The following TJP1 variants were observed in gnomAD, a reference collection of about 807,000 sequenced individuals.
TJP1 encodes tight junction protein ZO-1.
In TJP1, 43 loss-of-function variants were observed where a neutral mutation model predicts 194.2. That is an observed-to-expected ratio of 0.22 (90% confidence interval 0.17 to 0.29). The LOEUF (loss-of-function observed/expected upper bound fraction) is 0.29. TJP1 is among the 10% of genes least tolerant of loss of function. The pLI, the probability that TJP1 is intolerant of heterozygous loss-of-function variation, is 1.00. For synonymous variants in TJP1, 801 were observed against 779.0 expected (o/e 1.03, Z -0.47); for missense variants, 1,971 against 2,185.7 (o/e 0.90, Z 1.96).
At chr15:29,745,898 T>A (rs1299937797) in intron 8 of TJP1, among the ~76,000 whole-genome samples, 1 of 152,204 alleles carries the variant, frequency 6.6e-6, no homozygotes, top group African/African-American at 2.4e-5. Context: ...ACCCTATATA[T>A]GATACCAAAT....
chr15:29,754,598 T>C (rs1156983699), intron 8 of TJP1, among the ~76,000 whole-genome samples: 1 of 152,176 alleles, frequency 6.6e-6, no homozygotes, highest in African/African-American at 2.4e-5. Context: ...TCATCAATAT[T>C]AGGATGTTTC....
chr15:29,818,133 T>G (rs1006115341), intron 1 of TJP1, among the ~76,000 whole-genome samples: 2 of 152,170 alleles, frequency 1.3e-5, no homozygotes, highest in Admixed American at 1.3e-4. Context: ...TAATTTCAGA[T>G]AGCCACAGCG....
Position 29,950,063 on chromosome 15 carries a change from AC to A in TJP1, c.306+6168del, listed in dbSNP as rs2055633273. On this transcript the variant is annotated intron_variant, in intron 2 of 28. Transcript: ENST00000356107. ...CACCTCCACCACCACCACCTCCACCACCACCACCTCCACCACCACCATCTTC... is the reference window on the plus strand; with the variant it reads ...CACCTCCACCACCACCACCTCCACCACACCACCTCCACCACCACCATCTTC... Among the ~76,000 whole-genome samples, 9 of 46,800 alleles carry A rather than the reference AC, an allele frequency of 1.9e-4. 1 individual carries two copies. Among genetic ancestry groups the A allele is most frequent in the Non-Finnish European group, 2.6e-4 (7 of 27,284 alleles). 30.7% of individuals were successfully genotyped at this position (46,800 alleles called of 152,430 possible).
upstream of TJP1, among the ~76,000 whole-genome samples, chr15:29,825,949 G>C (rs1211894184): frequency 6.6e-6 from 1 of 152,070 alleles, no homozygotes; most frequent in African/African-American, 2.4e-5. Context: ...TCATAGACCA[G>C]TAAAAATTTT....
At chr15:29,967,279 G>A (rs569977973) in intron 1 of TJP1, among the ~76,000 whole-genome samples, 82 of 151,624 alleles carry the variant, frequency 5.4e-4, no homozygotes, top group Non-Finnish European at 1.0e-3. Flanking sequence ...CAGGCGATAC[G>A]CCTGCCTCGA....
intron 2 of TJP1, among the ~76,000 whole-genome samples, chr15:29,795,134 A>G (rs1030924544): frequency 1.3e-5 from 2 of 152,294 alleles, no homozygotes; most frequent in African/African-American, 4.8e-5. Flanking sequence ...TGAAAGACAC[A>G]AACTACCAGT....
intron 2 of TJP1, among the ~76,000 whole-genome samples, chr15:29,893,857 T>C (rs1004153231): frequency 4.6e-5 from 7 of 152,058 alleles, no homozygotes; most frequent in Admixed American, 3.9e-4. Context: ...CTATAAACGA[T>C]AAAAAAACAA....
chr15:29,912,695 CAAAAAAAAAAAA>C lies in TJP1; in HGVS notation c.306+43525_306+43536del, dbSNP rs71103416. ...TGGGAGACAGAGCAAGACTCTGTCT[CAAAAAAAAAAAA>C]AAAAAAAAAAAAAAAAGAGGGAGCT... On this transcript the variant is annotated intron_variant, in intron 2 of 28. Transcript: ENST00000356107. Among the ~76,000 whole-genome samples the C allele has an allele frequency of 1.1e-3, 70 of 64,970 alleles. 2 individuals carry two copies. The highest frequency in any genetic ancestry group is 4.5e-3 in the African/African-American group (52 of 11,456). 42.6% of individuals were successfully genotyped at this position (64,970 alleles called of 152,430 possible).
In TJP1 at chr15:29,800,694, T is replaced by G. The variant is rs1263232648; in HGVS notation, c.36A>C (p.Ala12=). The change falls in exon 2 of 28, where the codon GCA becomes GCC. Residue 12 remains alanine (A), a synonymous_variant. Coordinates refer to ENST00000614355, the MANE Select transcript of TJP1 (RefSeq NM_001330239.4). ...SARAAAAKST[A]MEETAIWEQH... ...GTTCCCATATAGCTGTTTCCTCCAT[T>G]GCTGTGCTCTGATAAAGGAAAAGAA... 6.2e-7 allele frequency: 1 copy of G among 1,613,728 alleles called. No individual in the cohort carries two copies. The highest frequency in any genetic ancestry group is 8.5e-7 in the Non-Finnish European group (1 of 1,179,898).
intron 8 of TJP1, among the ~76,000 whole-genome samples, chr15:29,746,256 C>A (rs769704145): frequency 6.6e-6 from 1 of 151,814 alleles, no homozygotes; most frequent in Non-Finnish European, 1.5e-5. Context: ...CGGGAGCCTG[C>A]AGTCCCAGCT....
At chr15:29,713,557 C>T (rs900442964) in intron 23 of TJP1, among the ~76,000 whole-genome samples, 11 of 152,202 alleles carry the variant, frequency 7.2e-5, no homozygotes, top group African/African-American at 2.7e-4. Context: ...CCTGTATTTA[C>T]TGAAAGAAAG....
intron 1 of TJP1, among the ~76,000 whole-genome samples, chr15:29,801,439 C>CA (rs1231425966): frequency 6.6e-6 from 1 of 151,018 alleles, no homozygotes; most frequent in Non-Finnish European, 1.5e-5. Flanking sequence ...ATGAGCCTCT[C>CA]AATAGAGAGG....
rs2052097701 is a variant in TJP1, at chr15:29,861,963, C to T, written c.307-61261G>A. 2.0e-5 allele frequency among the ~76,000 whole-genome samples: 3 copies of T among 152,036 alleles called. No individual in the cohort carries two copies. In the South Asian group the frequency reaches 6.2e-4, roughly 32 times the overall value. ...TACTCCTGTGTTTTCTTCTGAAAGT[C>T]TTACAGTTTTAGCTCTTATGTTTAG... is the stretch of plus-strand genomic sequence containing the variant. On this transcript the variant is annotated intron_variant, in intron 2 of 28. Coordinates refer to the TJP1 transcript ENST00000356107.
At chr15:29,722,718 C>CCA (rs2043008573) in intron 18 of TJP1, among the ~76,000 whole-genome samples, 1 of 152,134 alleles carries the variant, frequency 6.6e-6, no homozygotes, top group South Asian at 2.1e-4. Context: ...ACAGCATGCA[C>CCA]CATGCACCTG....
intron 2 of TJP1, among the ~76,000 whole-genome samples, chr15:29,868,339 G>C (rs1347903114): frequency 6.6e-6 from 1 of 152,152 alleles, no homozygotes; most frequent in Non-Finnish European, 1.5e-5. Flanking sequence ...AAAAGCTTAG[G>C]ATAAAATACA....
chr15:29,748,955 C>CGTGTGT (rs1566949600), intron 8 of TJP1, among the ~76,000 whole-genome samples: 2 of 24,060 alleles, frequency 8.3e-5, no homozygotes, highest in Non-Finnish European at 2.8e-4. Flanking sequence ...TGTGTGTGTG[C>CGTGTGT]GCGTGTGTGC....
intron 2 of TJP1, among the ~76,000 whole-genome samples, chr15:29,896,637 T>C (rs1367707053): frequency 6.6e-6 from 1 of 152,214 alleles, no homozygotes; most frequent in African/African-American, 2.4e-5. Flanking sequence ...TGGAACTTCC[T>C]AGAGACTTGT....
intron 2 of TJP1, among the ~76,000 whole-genome samples, chr15:29,910,115 T>C (rs777515130): frequency 6.6e-6 from 1 of 152,192 alleles, no homozygotes; most frequent in Non-Finnish European, 1.5e-5. Context: ...GAAAAATAGT[T>C]TGAACTTTTA....
chr15:29,818,861 G>C (rs929766047), intron 1 of TJP1, among the ~76,000 whole-genome samples: 3 of 151,616 alleles, frequency 2.0e-5, no homozygotes, highest in African/African-American at 7.3e-5. Context: ...TTGTCGCCCA[G>C]GCTGTAGTGC....
Sources: gnomAD v4.1 joint callset for allele counts (sites outside exome capture counted in the v4.1 genomes callset) on GRCh38, gnomAD v4.1.1 for gene constraint, MANE v1.5 for transcripts, NCBI Gene and HGNC (gene_info 2026-07-23, HGNC 2026-07-21) for gene names.